TEAD1: variants seen among roughly 807,000 people sequenced by gnomAD.
TEAD1 encodes transcriptional enhancer factor TEF-1.
A neutral mutation model predicts 54.9 loss-of-function variants in TEAD1; 9 were observed. The observed-to-expected ratio is 0.16, with a 90% CI of 0.10 to 0.29. The LOEUF is 0.29. Ranked by LOEUF, TEAD1 falls within the 10% of genes least tolerant of loss-of-function variation. The pLI, the probability that TEAD1 is intolerant of heterozygous loss-of-function variation, is 1.00. For missense variants in TEAD1, 387 were observed against 535.9 expected, an observed-to-expected ratio of 0.72 and a Z score of 2.74; for synonymous variants, 200 against 187.8, an observed-to-expected ratio of 1.07 and a Z score of -0.53.
chr11:12,858,719 A>G (rs1371664081), intron 3 of TEAD1, among the ~76,000 whole-genome samples: 2 of 152,244 alleles, frequency 1.3e-5, no homozygotes, highest in African/African-American at 4.8e-5. Flanking sequence ...TGAGCTTTCA[A>G]TGAAATAATG....
At chr11:12,916,590 G>A (rs1002900808) in intron 10 of TEAD1, among the ~76,000 whole-genome samples, 1 of 152,136 alleles carries the variant, frequency 6.6e-6, no homozygotes, top group Non-Finnish European at 1.5e-5. Context: ...TTACCACCGT[G>A]GCCTTTGGAA....
At chr11:12,817,129 C>T (rs948721805) in intron 3 of TEAD1, among the ~76,000 whole-genome samples, 2 of 152,170 alleles carry the variant, frequency 1.3e-5, no homozygotes, top group Admixed American at 6.5e-5. Flanking sequence ...TCAGGCCTTG[C>T]GCTGCTTGGA....
At chr11:12,759,436 T>G (rs1375324685) in intron 2 of TEAD1, among the ~76,000 whole-genome samples, 2 of 152,162 alleles carry the variant, frequency 1.3e-5, no homozygotes, top group Non-Finnish European at 2.9e-5. Context: ...ACCAGGATAT[T>G]TGGATTCATA....
At chr11:12,679,663 G>C (rs1162443385) in intron 2 of TEAD1, among the ~76,000 whole-genome samples, 4 of 150,960 alleles carry the variant, frequency 2.6e-5, no homozygotes. Flanking sequence ...TTTTTTAATA[G>C]GCACAGCTTT....
chr11:12,890,986 A>C (rs1948186515), intron 9 of TEAD1, among the ~76,000 whole-genome samples: 1 of 152,138 alleles, frequency 6.6e-6, no homozygotes, highest in African/African-American at 2.4e-5. Flanking sequence ...GCTGGTCTCA[A>C]ACTCCTGACC....
chr11:12,721,085 G>C (rs1033914732), intron 2 of TEAD1, among the ~76,000 whole-genome samples: 2 of 152,174 alleles, frequency 1.3e-5, no homozygotes, highest in African/African-American at 4.8e-5. Context: ...GAAGAATGTG[G>C]TTCTGAGTCC....
chr11:12,676,178 A>G (rs368500554), intron 2 of TEAD1, among the ~76,000 whole-genome samples: 40 of 152,362 alleles, frequency 2.6e-4, no homozygotes, highest in African/African-American at 9.1e-4. Flanking sequence ...TAAAAACACT[A>G]CACGTATTGC....
intron 4 of TEAD1, 177 bp from the exon 5 acceptor site, chr11:12,864,651 TGTTTTGTTTC>T: frequency 7.0e-7 from 1 of 1,425,342 alleles, no homozygotes; most frequent in Non-Finnish European, 9.2e-7. Context: ...TGTTTTGTTT[TGTTTTGTTTC>T]CCCTCATAAA....
At chr11:12,807,131 G>A (rs1204568098) in intron 3 of TEAD1, among the ~76,000 whole-genome samples, 1 of 152,162 alleles carries the variant, frequency 6.6e-6, no homozygotes, top group Admixed American at 6.5e-5. Context: ...AAATGTGAAA[G>A]CTCTCCCTTT....
intron 3 of TEAD1, among the ~76,000 whole-genome samples, chr11:12,856,106 T>C (rs1376336282): frequency 1.3e-5 from 2 of 151,180 alleles, no homozygotes; most frequent in Non-Finnish European, 2.9e-5. Flanking sequence ...TTTCTTTGCT[T>C]CTTTCCACTG....
At chr11:12,745,638 G>A (rs1446045203) in intron 2 of TEAD1, among the ~76,000 whole-genome samples, 3 of 143,124 alleles carry the variant, frequency 2.1e-5, no homozygotes, top group Non-Finnish European at 4.5e-5. Flanking sequence ...TTCAGAATAC[G>A]GCTGTGTCTT....
chr11:12,929,700 A>G (rs1331757708), intron 11 of TEAD1, among the ~76,000 whole-genome samples: 1 of 152,014 alleles, frequency 6.6e-6, no homozygotes, highest in Non-Finnish European at 1.5e-5. Context: ...TCTTCCTTTC[A>G]TAAACAGGTG....
intron 3 of TEAD1, among the ~76,000 whole-genome samples, chr11:12,829,168 A>G (rs1194213844): frequency 6.6e-6 from 1 of 152,220 alleles, no homozygotes; most frequent in Non-Finnish European, 1.5e-5. Flanking sequence ...ATTTTTATCC[A>G]GCGGATTTTG....
At chr11:12,870,383 G>T (rs1404931249) in intron 5 of TEAD1, among the ~76,000 whole-genome samples, 1 of 152,018 alleles carries the variant, frequency 6.6e-6, no homozygotes, top group Non-Finnish European at 1.5e-5. Flanking sequence ...AATGCGAGGA[G>T]ACAGTGAACC....
intron 9 of TEAD1, among the ~76,000 whole-genome samples, chr11:12,885,567 T>C (rs1266294447): frequency 6.6e-6 from 1 of 152,146 alleles, no homozygotes; most frequent in Non-Finnish European, 1.5e-5. Context: ...GAATATCTCC[T>C]GTGTAAGCAA....
chr11:12,890,987 A>T (rs12289729), intron 9 of TEAD1, among the ~76,000 whole-genome samples: 2,727 of 151,674 alleles, frequency 0.018, 87 homozygotes, highest in African/African-American at 0.063. Flanking sequence ...CTGGTCTCAA[A>T]CTCCTGACCT....
chr11:12,804,148 A>G (rs1287981277), intron 3 of TEAD1, among the ~76,000 whole-genome samples: 1 of 152,246 alleles, frequency 6.6e-6, no homozygotes, highest in Non-Finnish European at 1.5e-5. Context: ...ATTAACTTGG[A>G]AAGACTGTGC....
chr11:12,811,495 C>T (rs565265999), intron 3 of TEAD1, among the ~76,000 whole-genome samples: 7 of 152,334 alleles, frequency 4.6e-5, no homozygotes, highest in Admixed American at 4.6e-4. Flanking sequence ...AGACCTTCCT[C>T]TTGTGAATTT....
At chr11:12,861,079 G>C (rs1947490769) in intron 3 of TEAD1, among the ~76,000 whole-genome samples, 1 of 152,212 alleles carries the variant, frequency 6.6e-6, no homozygotes, top group Admixed American at 6.5e-5. Context: ...CTATGAAATG[G>C]TGGTTTTCCA....
Sources: gnomAD v4.1 joint callset for allele counts (sites outside exome capture counted in the v4.1 genomes callset) on GRCh38, gnomAD v4.1.1 for gene constraint, MANE v1.5 for transcripts, NCBI Gene and HGNC (gene_info 2026-07-23, HGNC 2026-07-21) for gene names.